Variants in DPYD observed in about 807,000 individuals in gnomAD.
DPYD encodes the protein dihydropyrimidine dehydrogenase [NADP(+)].
DPYD carries 109 observed loss-of-function variants against 116.2 expected under a neutral mutation model. That is an observed-to-expected ratio of 0.94 (90% CI 0.80 to 1.10). DPYD has a LOEUF of 1.10. Among genes scored for constraint, DPYD ranks in the 50% least tolerant of loss-of-function variants. DPYD has a pLI of 0.00. For missense variants in DPYD, 1,302 were observed against 1,254.5 expected, an observed-to-expected ratio of 1.04 and a Z score of -0.57; for synonymous variants, 440 against 432.0, an observed-to-expected ratio of 1.02 and a Z score of -0.23.
At chr1:97,642,780 T>C (rs1396082273) in intron 8 of DPYD, among the ~76,000 whole-genome samples, 2 of 149,662 alleles carry the variant, frequency 1.3e-5, no homozygotes, top group Non-Finnish European at 3.0e-5. Flanking sequence ...TACCTAATGC[T>C]AAATGACGAG....
chr1:97,471,231 CTTCAATATGT>C (rs1273350992), intron 13 of DPYD, among the ~76,000 whole-genome samples: 1 of 152,034 alleles, frequency 6.6e-6, no homozygotes, highest in East Asian at 1.9e-4. Context: ...TTGTCTTTAA[CTTCAATATGT>C]TTTAAAGGGG....
At chr1:97,760,751 G>T (rs1378382212) in intron 3 of DPYD, among the ~76,000 whole-genome samples, 1 of 152,052 alleles carries the variant, frequency 6.6e-6, no homozygotes, top group African/African-American at 2.4e-5. Context: ...AAGCATAACT[G>T]AAACTACAGG....
At chr1:97,649,191 TTTAA>T (rs1380598658) in intron 8 of DPYD, among the ~76,000 whole-genome samples, 1 of 152,074 alleles carries the variant, frequency 6.6e-6, no homozygotes, top group Non-Finnish European at 1.5e-5. Context: ...ATTTTTAGTC[TTTAA>T]TTAATTGGAA....
At chr1:97,145,058 T>A (rs1654514514) in intron 20 of DPYD, among the ~76,000 whole-genome samples, 1 of 152,104 alleles carries the variant, frequency 6.6e-6, no homozygotes, top group Admixed American at 6.6e-5. Flanking sequence ...TCAAAAAAAA[T>A]GAAGCATAAT....
intron 14 of DPYD, among the ~76,000 whole-genome samples, chr1:97,437,744 C>G (rs1157439611): frequency 6.6e-6 from 1 of 151,870 alleles, no homozygotes; most frequent in Non-Finnish European, 1.5e-5. Flanking sequence ...TAATTTGTAT[C>G]AAATCACATA....
chr1:97,767,755 C>CT (rs34390188), intron 3 of DPYD, among the ~76,000 whole-genome samples: 15,488 of 112,322 alleles, frequency 0.14, 1,403 homozygotes, highest in Admixed American at 0.21. Flanking sequence ...TTGGGGCTGG[C>CT]TTTTTTTTTT....
chr1:97,248,581 C>A (rs958004666), intron 18 of DPYD, among the ~76,000 whole-genome samples: 5 of 152,092 alleles, frequency 3.3e-5, no homozygotes, highest in Non-Finnish European at 5.9e-5. Flanking sequence ...ATTCACCAAT[C>A]AACTGAATAA....
intron 19 of DPYD, among the ~76,000 whole-genome samples, chr1:97,213,259 C>T (rs1331481313): frequency 6.6e-6 from 1 of 152,116 alleles, no homozygotes; most frequent in African/African-American, 2.4e-5. Flanking sequence ...ATAACTATCT[C>T]ACAGGATTAC....
At chr1:97,884,750 A>G (rs1672395782) in intron 1 of DPYD, among the ~76,000 whole-genome samples, 1 of 152,064 alleles carries the variant, frequency 6.6e-6, no homozygotes, top group South Asian at 2.1e-4. Flanking sequence ...CTTCCCTTCT[A>G]AACTGTGAAT....
chr1:97,291,342 T>C (rs1272563807), intron 18 of DPYD, among the ~76,000 whole-genome samples: 1 of 152,134 alleles, frequency 6.6e-6, no homozygotes, highest in South Asian at 2.1e-4. Flanking sequence ...ACTGGGTATA[T>C]ACCCAAAGGA....
intron 14 of DPYD, among the ~76,000 whole-genome samples, chr1:97,411,010 A>C (rs1260124194): frequency 5.9e-5 from 9 of 152,116 alleles, no homozygotes; most frequent in African/African-American, 2.2e-4. Flanking sequence ...AATGGCTACA[A>C]TGTTGGGTGA....
chr1:97,134,464 T>G (rs1653629577), intron 20 of DPYD, among the ~76,000 whole-genome samples: 1 of 152,170 alleles, frequency 6.6e-6, no homozygotes, highest in South Asian at 2.1e-4. Context: ...ACCACCTTTG[T>G]ATGCTACTTT....
intron 16 of DPYD, among the ~76,000 whole-genome samples, chr1:97,345,822 C>T (rs1479109202): frequency 6.6e-6 from 1 of 151,826 alleles, no homozygotes; most frequent in Admixed American, 6.6e-5. Flanking sequence ...GAAATATGTG[C>T]TCTTAATCAC....
chr1:97,204,426 AAAG>A (rs1450562339), intron 19 of DPYD, among the ~76,000 whole-genome samples: 2 of 152,166 alleles, frequency 1.3e-5, no homozygotes, highest in African/African-American at 4.8e-5. Context: ...TGCAATGTCC[AAAG>A]AAGTAGTTTT....
intron 18 of DPYD, among the ~76,000 whole-genome samples, chr1:97,257,452 T>TATATATAGAGAGAG (rs375490078): frequency 0.01 from 1,266 of 126,396 alleles, 23 homozygotes; most frequent in African/African-American, 0.035. Context: ...TATATATATA[T>TATATATAGAGAGAG]AGAGAGAGAG....
intron 15 of DPYD, among the ~76,000 whole-genome samples, chr1:97,382,113 A>G (rs921518632): frequency 6.6e-6 from 1 of 152,208 alleles, no homozygotes; most frequent in African/African-American, 2.4e-5. Context: ...CAGTTTGCTT[A>G]ACATGCAAAT....
intron 3 of DPYD, among the ~76,000 whole-genome samples, chr1:97,750,215 T>C (rs1557931913): frequency 6.6e-6 from 1 of 152,042 alleles, no homozygotes; most frequent in African/African-American, 2.4e-5. Context: ...TCAGAAATAA[T>C]ATATTAGTAA....
chr1:97,159,063 T>G (rs892346217), intron 20 of DPYD, among the ~76,000 whole-genome samples: 1 of 152,130 alleles, frequency 6.6e-6, no homozygotes, highest in Admixed American at 6.6e-5. Flanking sequence ...AAGAGCATTT[T>G]GACTGCTCTC....
At chr1:97,886,363 T>C (rs1672485813) in intron 1 of DPYD, among the ~76,000 whole-genome samples, 1 of 151,950 alleles carries the variant, frequency 6.6e-6, no homozygotes, top group Non-Finnish European at 1.5e-5. Context: ...GAGACTAAAG[T>C]GCAGCTGACA....
Sources: gnomAD v4.1 joint callset for allele counts (sites outside exome capture counted in the v4.1 genomes callset) on GRCh38, gnomAD v4.1.1 for gene constraint, MANE v1.5 for transcripts, NCBI Gene and HGNC (gene_info 2026-07-23, HGNC 2026-07-21) for gene names.